Variants in APC observed in about 807,000 individuals in gnomAD.
APC encodes APC regulator of Wnt signaling pathway, also known as adenomatous polyposis coli protein.
A neutral mutation model predicts 247.0 loss-of-function variants in APC; 72 were observed. The observed-to-expected ratio is 0.29, with a 90% CI of 0.24 to 0.35. The LOEUF is 0.35. Among genes scored for constraint, APC ranks in the 10% least tolerant of loss-of-function variants. The pLI is 1.00. For missense variants in APC, 3,400 were observed against 3,360.7 expected, an observed-to-expected ratio of 1.01 and a Z score of -0.29; for synonymous variants, 1,254 against 1,162.5, an observed-to-expected ratio of 1.08 and a Z score of -1.60.
intron 1 of APC, among the ~76,000 whole-genome samples, chr5:112,729,021 T>C (rs535465831): frequency 2.6e-5 from 4 of 152,366 alleles, no homozygotes; most frequent in Admixed American, 2.0e-4. Flanking sequence ...TGAAATCTTT[T>C]TTGATTACCT....
At chr5:112,746,576 G>A (rs1272194838) in intron 1 of APC, among the ~76,000 whole-genome samples, 1 of 152,038 alleles carries the variant, frequency 6.6e-6, no homozygotes, top group Non-Finnish European at 1.5e-5. Flanking sequence ...ATAACTGACT[G>A]CATCAAGAAA....
At chr5:112,814,963 T>G (rs1173658349) in intron 8 of APC, among the ~76,000 whole-genome samples, 4 of 152,226 alleles carry the variant, frequency 2.6e-5, no homozygotes, top group Admixed American at 2.6e-4. Flanking sequence ...TCTTCCTGTT[T>G]TCCCTCAGTG....
intron 8 of APC, among the ~76,000 whole-genome samples, chr5:112,813,411 TA>T (rs1243899562): frequency 6.6e-6 from 1 of 152,162 alleles, no homozygotes; most frequent in African/African-American, 2.4e-5. Flanking sequence ...ATTACCTATT[TA>T]AGGACTTTAT....
At position 112,840,486 on chromosome 5, in the gene APC, G is replaced by C. The variant is rs949655717; in HGVS notation, c.4892G>C (p.Ser1631Thr). The change falls in exon 16 of 16, where the codon AGT becomes ACT. Residue 1631 changes from serine (S) to threonine (T), a missense_variant. By Grantham distance (58) the Ser-to-Thr change is moderately conservative. Around this residue, in one of 9 missense-constraint regions of APC, gnomAD observed 1,788 missense variants for 1,649.5 expected, o/e 1.08. Transcript: ENST00000257430. This position sits in a 1 kb window ranked among gnomAD's most constrained non-coding sequence, Gnocchi z 4.1. ...AGGTTGCAACCCCAAAAGCATGTTAGTTTTACACCGGGGGATGATATGCCA... is the reference window on the plus strand; with the variant it reads ...AGGTTGCAACCCCAAAAGCATGTTACTTTTACACCGGGGGATGATATGCCA... ...QNRLQPQKHV[S>T]FTPGDDMPRV... The C allele has an allele frequency of 6.2e-7, 1 of 1,614,142 alleles. No individual in the cohort carries two copies. Among genetic ancestry groups the C allele is most frequent in the Non-Finnish European group, 8.5e-7 (1 of 1,179,992 alleles).
intron 4 of APC, among the ~76,000 whole-genome samples, chr5:112,770,114 A>G (rs1561469593): frequency 6.6e-6 from 1 of 152,222 alleles, no homozygotes; most frequent in African/African-American, 2.4e-5. Context: ...GGAATTTCAG[A>G]GAAAAATATT....
intron 5 of APC, 97 bp downstream of exon 5, chr5:112,775,834 T>C: frequency 2.9e-6 from 2 of 684,996 alleles, no homozygotes; most frequent in East Asian, 5.2e-5. Flanking sequence ...ACTGAATTTA[T>C]AGTTATTTGT....
At position 112,842,878 on chromosome 5, in the gene APC, A is replaced by T. The variant is rs876658194; in HGVS notation, c.7284A>T (p.Glu2428Asp). ...RMSSTKSSGSESDRSERPVLV... is the reference protein window; with the variant it reads ...RMSSTKSSGSDSDRSERPVLV... Reference sequence around the variant, plus strand: ...CTTCAACTAAATCAAGTGGAAGTGAATCTGATAGATCAGAAAGACCTGTAT... The same window carrying T: ...CTTCAACTAAATCAAGTGGAAGTGATTCTGATAGATCAGAAAGACCTGTAT... Residue 2428 changes from glutamate to aspartate, a missense_variant, in exon 16 of 16, where the codon GAA (glutamate) becomes GAT (aspartate). Glu to Asp is a conservative substitution (Grantham distance 45). Around this residue, in one of 9 missense-constraint regions of APC, gnomAD observed 1,788 missense variants for 1,649.5 expected, o/e 1.08. Transcript: ENST00000257430. 1 of 1,614,070 alleles carries T rather than the reference A, an allele frequency of 6.2e-7. No individual in the cohort carries two copies. The highest frequency in any genetic ancestry group is 1.1e-5 in the South Asian group (1 of 91,080).
chr5:112,754,548 A>G (rs1016613299), intron 1 of APC, among the ~76,000 whole-genome samples: 2 of 152,164 alleles, frequency 1.3e-5, no homozygotes. Flanking sequence ...TTTTGCCTGT[A>G]AGAATGGGTA....
chr5:112,808,901 C>A (rs967667698), intron 8 of APC, among the ~76,000 whole-genome samples: 1 of 151,986 alleles, frequency 6.6e-6, no homozygotes, highest in Non-Finnish European at 1.5e-5. Context: ...AAGGAGAAGT[C>A]GAGAATTACT....
At chr5:112,788,793 C>T (rs1759261608) in intron 6 of APC, among the ~76,000 whole-genome samples, 2 of 152,008 alleles carry the variant, frequency 1.3e-5, no homozygotes, top group Non-Finnish European at 2.9e-5. Context: ...GAAAAGTATC[C>T]AGCAGTCTTC....
At position 112,839,970 on chromosome 5, in the gene APC, C is replaced by G. The variant is rs756048549; in HGVS notation, c.4376C>G (p.Thr1459Ser). 16 of 1,614,088 alleles carry G rather than the reference C, an allele frequency of 9.9e-6. No individual in the cohort carries two copies. Among genetic ancestry groups the G allele is most frequent in the African/African-American group, 1.3e-5 (1 of 75,010 alleles). The change falls in exon 16 of 16, where the codon ACT (threonine) becomes AGT (serine). Residue 1459 changes from threonine to serine, a missense_variant. Thr to Ser is a moderately conservative substitution (Grantham distance 58, BLOSUM62 1). This residue lies in a region of APC where 1,788 missense variants were observed against 1,649.5 expected (regional missense o/e 1.08). Coordinates refer to ENST00000257430, the MANE Select transcript of APC (RefSeq NM_000038.6). The surrounding 1 kb of genome is among the most constrained non-coding windows in gnomAD (Gnocchi z 5.0). ...KREVPKNKAP[T>S]AEKRESGPKQ... ...GAAGTACCTAAAAATAAAGCACCTA[C>G]TGCTGAAAAGAGAGAGAGTGGACCT...
intron 1 of APC, among the ~76,000 whole-genome samples, chr5:112,753,106 G>C (rs1754561468): frequency 6.6e-6 from 1 of 151,756 alleles, no homozygotes; most frequent in South Asian, 2.1e-4. Context: ...AATTTTATTT[G>C]AAATGAGAAA....
At chr5:112,775,790 A>T (rs943254659) in intron 5 of APC, 53 bp downstream of exon 5, 7 of 985,422 alleles carry the variant, frequency 7.1e-6, no homozygotes, top group East Asian at 4.8e-5. Flanking sequence ...TTGATATTTT[A>T]AAGTACCTAG....
At chr5:112,813,752 TAA>T (rs374758963) in intron 8 of APC, among the ~76,000 whole-genome samples, 17 of 132,272 alleles carry the variant, frequency 1.3e-4, no homozygotes, top group Admixed American at 3.1e-4. Context: ...ACCTTGTCTC[TAA>T]AAAAAAAAAA....
At chr5:112,730,554 C>T (rs986436615) in intron 1 of APC, among the ~76,000 whole-genome samples, 4 of 152,136 alleles carry the variant, frequency 2.6e-5, no homozygotes, top group African/African-American at 9.7e-5. Flanking sequence ...TATGAAAATG[C>T]CTAACGTAAT....
chr5:112,754,670 A>T (rs544105469), intron 1 of APC, among the ~76,000 whole-genome samples: 4 of 152,290 alleles, frequency 2.6e-5, no homozygotes, highest in African/African-American at 9.6e-5. Context: ...TTTTAATTTC[A>T]TTTATCTTGA....
intron 1 of APC, among the ~76,000 whole-genome samples, chr5:112,712,818 GAAT>G (rs1311526611): frequency 5.3e-5 from 8 of 152,100 alleles, no homozygotes; most frequent in Admixed American, 2.0e-4. Flanking sequence ...GTCAGATCTT[GAAT>G]ATATCTTGTT....
intron 1 of APC, among the ~76,000 whole-genome samples, chr5:112,745,812 G>A (rs555237074): frequency 1.3e-4 from 19 of 151,886 alleles, no homozygotes; most frequent in African/African-American, 4.6e-4. Flanking sequence ...GACCTGCCTC[G>A]CAAAGTATGG....
rs574027397 is a variant in APC at position 112,761,965 on chromosome 5, T to C, written c.136-4361T>C. Among the ~76,000 whole-genome samples, 3 of 152,236 alleles carry C rather than the reference T, an allele frequency of 2.0e-5. No homozygotes were observed. The East Asian group carries it at 5.8e-4, about 29-fold the overall frequency. Reference sequence around the variant, plus strand: ...AAAAAGTAAGCCATAGAGGAGAAAATATTTGCAATACATATATCTGACCAA... The same window carrying C: ...AAAAAGTAAGCCATAGAGGAGAAAACATTTGCAATACATATATCTGACCAA... On this transcript the variant is annotated intron_variant, in intron 2 of 15. Transcript: ENST00000257430.
Sources: gnomAD v4.1 joint callset for allele counts (sites outside exome capture counted in the v4.1 genomes callset) on GRCh38, gnomAD v4.1.1 for gene constraint, gnomAD v4.1.1 regional missense constraint, Gnocchi (gnomAD v3.1) non-coding constraint, MANE v1.5 for transcripts, NCBI Gene and HGNC (gene_info 2026-07-23, HGNC 2026-07-21) for gene names.